CLOCK: variants seen among roughly 807,000 people sequenced by gnomAD.
The protein encoded by CLOCK is clock circadian regulator.
CLOCK carries 43 observed loss-of-function variants against 118.4 expected under a neutral mutation model. The ratio of observed to expected loss-of-function variants is 0.36; its 90% CI spans 0.28 to 0.47. The LOEUF (loss-of-function observed/expected upper bound fraction) is 0.47. Ranked by LOEUF, CLOCK falls within the 20% of genes least tolerant of loss-of-function variation. CLOCK has a pLI of 1.00. For missense variants in CLOCK, 846 were observed against 999.9 expected (o/e 0.85, Z 2.08); for synonymous variants, 326 against 339.2 (o/e 0.96, Z 0.43).
chr4:55,492,190 A>T (rs866691477), intron 2 of CLOCK, among the ~76,000 whole-genome samples: 2 of 152,170 alleles, frequency 1.3e-5, no homozygotes, highest in Non-Finnish European at 2.9e-5. Context: ...GGATTATACC[A>T]CATGACCAGG....
chr4:55,502,594 G>A (rs1728512406), intron 2 of CLOCK, among the ~76,000 whole-genome samples: 1 of 152,086 alleles, frequency 6.6e-6, no homozygotes, highest in South Asian at 2.1e-4. Context: ...AGAAAACATA[G>A]ATAACATCTT....
At chr4:55,461,207 C>T (rs1249540097) in intron 9 of CLOCK, among the ~76,000 whole-genome samples, 1 of 152,110 alleles carries the variant, frequency 6.6e-6, no homozygotes, top group Non-Finnish European at 1.5e-5. Context: ...AGATTATAGG[C>T]GTGAACAACT....
chr4:55,538,176 A>T (rs1395948608), intron 1 of CLOCK, among the ~76,000 whole-genome samples: 1 of 152,236 alleles, frequency 6.6e-6, no homozygotes, highest in Non-Finnish European at 1.5e-5. Context: ...GAGTATTATA[A>T]GCAACTTTTT....
At chr4:55,454,209 T>G (rs960422192) in intron 13 of CLOCK, among the ~76,000 whole-genome samples, 1 of 152,222 alleles carries the variant, frequency 6.6e-6, no homozygotes, top group Non-Finnish European at 1.5e-5. Context: ...ATTTTAAACC[T>G]TAACTAACCA....
At chr4:55,527,047 T>C (rs911008273) in intron 1 of CLOCK, among the ~76,000 whole-genome samples, 6 of 142,362 alleles carry the variant, frequency 4.2e-5, no homozygotes, top group Admixed American at 7.0e-5. Flanking sequence ...GTTACATGAA[T>C]ACAAGAAAGT....
At chr4:55,507,567 C>T (rs533854900) in intron 2 of CLOCK, among the ~76,000 whole-genome samples, 73 of 152,162 alleles carry the variant, frequency 4.8e-4, no homozygotes, top group African/African-American at 1.7e-3. Context: ...CAAGAGAGCA[C>T]CACTGCACTC....
At chr4:55,462,938 G>A (rs1017773500) in intron 9 of CLOCK, among the ~76,000 whole-genome samples, 8 of 152,194 alleles carry the variant, frequency 5.3e-5, no homozygotes, top group African/African-American at 1.7e-4. Flanking sequence ...GATAATGTCA[G>A]TATTAGCAGA....
chr4:55,516,526 CTTT>C (rs1729525672), intron 1 of CLOCK, among the ~76,000 whole-genome samples: 1 of 96,126 alleles, frequency 1.0e-5, no homozygotes. Flanking sequence ...TTCATGCTTT[CTTT>C]CGGTTAGTGT....
At chr4:55,534,080 T>G (rs1730725885) in intron 1 of CLOCK, among the ~76,000 whole-genome samples, 1 of 152,226 alleles carries the variant, frequency 6.6e-6, no homozygotes, top group Non-Finnish European at 1.5e-5. Flanking sequence ...AAATGTTTTG[T>G]ACATTTGTTT....
intron 6 of CLOCK, 115 bp from the exon 7 acceptor site, chr4:55,476,169 ACATTTATTGGGTAGATAT>A: frequency 2.8e-6 from 2 of 718,004 alleles, no homozygotes; most frequent in South Asian, 3.0e-5. Flanking sequence ...GTAGGCATTA[ACATTTATTGGGTAGATAT>A]CAAGAGGTCC....
At chr4:55,469,573 C>T (rs557451419) in intron 8 of CLOCK, among the ~76,000 whole-genome samples, 62 of 152,068 alleles carry the variant, frequency 4.1e-4, no homozygotes, top group African/African-American at 1.4e-3. Flanking sequence ...CCTGACCCCG[C>T]GTAGGCCTAG....
chr4:55,534,704 C>T (rs1400702149), intron 1 of CLOCK, among the ~76,000 whole-genome samples: 1 of 152,084 alleles, frequency 6.6e-6, no homozygotes, highest in Non-Finnish European at 1.5e-5. Flanking sequence ...GAACAGAATG[C>T]TCAATAAATA....
intron 2 of CLOCK, among the ~76,000 whole-genome samples, chr4:55,497,926 G>A (rs867747492): frequency 6.6e-6 from 1 of 151,094 alleles, no homozygotes; most frequent in Non-Finnish European, 1.5e-5. Flanking sequence ...TTTTAAAAGG[G>A]CAAATGTATA....
At chr4:55,469,552 A>AT (rs1725984687) in intron 8 of CLOCK, among the ~76,000 whole-genome samples, 2 of 152,194 alleles carry the variant, frequency 1.3e-5, no homozygotes, top group African/African-American at 2.4e-5. Context: ...GAGGACAGTG[A>AT]TGTTGATGAT....
At chr4:55,486,996 T>C (rs1273475015) in intron 3 of CLOCK, among the ~76,000 whole-genome samples, 3 of 152,116 alleles carry the variant, frequency 2.0e-5, no homozygotes, top group African/African-American at 4.8e-5. Context: ...TCCTGGACAG[T>C]TGTAATTTTC....
At chr4:55,536,515 A>AC (rs1730908400) in intron 1 of CLOCK, among the ~76,000 whole-genome samples, 1 of 152,066 alleles carries the variant, frequency 6.6e-6, no homozygotes. Context: ...GACCTGCCCC[A>AC]CCTTGCTCTC....
At chr4:55,461,294 A>T (rs73151889) in intron 9 of CLOCK, among the ~76,000 whole-genome samples, 11,518 of 151,808 alleles carry the variant, frequency 0.076, 1,475 homozygotes, top group African/African-American at 0.26. Context: ...TCCTTTTCAA[A>T]ATTTTCTACC....
chr4:55,507,024 T>C (rs1387893051), intron 2 of CLOCK, among the ~76,000 whole-genome samples: 3 of 152,066 alleles, frequency 2.0e-5, no homozygotes, highest in South Asian at 2.1e-4. Flanking sequence ...CTGCAGAAAA[T>C]GGACCTAGGC....
rs188447644 is a variant in CLOCK at position 55,459,020 on chromosome 4, T to A, written c.674-10A>T. 6.3e-6 allele frequency: 10 copies of A among 1,594,858 alleles called. No homozygotes were observed. In the Admixed American group the frequency reaches 1.7e-4, roughly 27 times the overall value. ...TGTGCTGAAGAGGATACTAAAACAA[T>A]AGGGAAATATGTATCATCAGTTATG... On this transcript the variant is annotated splice_polypyrimidine_tract_variant and intron_variant, in intron 10 of 22. Transcript: ENST00000513440.
Sources: allele counts gnomAD v4.1 joint callset (sites outside exome capture counted in the v4.1 genomes callset), GRCh38; gene constraint gnomAD v4.1.1; transcripts MANE v1.5; gene names NCBI Gene and HGNC (gene_info 2026-07-23, HGNC 2026-07-21).